PAPPA2: variants seen among roughly 807,000 people sequenced by gnomAD.
PAPPA2 encodes the protein pappalysin-2.
A neutral mutation model predicts 176.4 loss-of-function variants in PAPPA2; 86 were observed. That is an observed-to-expected ratio of 0.49 (90% CI 0.41 to 0.58). The LOEUF is 0.58. PAPPA2 is among the 20% of genes least tolerant of loss of function. The pLI is 0.00. For missense variants in PAPPA2, 2,073 were observed against 2,256.9 expected, an observed-to-expected ratio of 0.92 and a Z score of 1.65; for synonymous variants, 809 against 852.2, an observed-to-expected ratio of 0.95 and a Z score of 0.88.
At chr1:176,491,861 G>T (rs1414316029) in intron 1 of PAPPA2, among the ~76,000 whole-genome samples, 1 of 152,170 alleles carries the variant, frequency 6.6e-6, no homozygotes, top group East Asian at 1.9e-4. Flanking sequence ...AGGAAAATGT[G>T]ATACAGACAT....
intron 1 of PAPPA2, among the ~76,000 whole-genome samples, chr1:176,497,560 T>G (rs1647698162): frequency 6.6e-6 from 1 of 152,190 alleles, no homozygotes; most frequent in Admixed American, 6.5e-5. Context: ...AAGGTGTTTT[T>G]AAAAATAATG....
At chr1:176,638,787 A>C (rs1275830436) in intron 3 of PAPPA2, among the ~76,000 whole-genome samples, 1 of 151,936 alleles carries the variant, frequency 6.6e-6, no homozygotes, top group African/African-American at 2.4e-5. Flanking sequence ...CCTCCAATAA[A>C]TTATATAGAC....
intron 3 of PAPPA2, among the ~76,000 whole-genome samples, chr1:176,623,647 C>CTT (rs1655762150): frequency 7.8e-6 from 1 of 129,000 alleles, no homozygotes; most frequent in African/African-American, 3.1e-5. Flanking sequence ...TTCTTTCTTT[C>CTT]TTTCTTTCTT....
chr1:176,643,224 G>A (rs908113132), intron 3 of PAPPA2, among the ~76,000 whole-genome samples: 13 of 151,714 alleles, frequency 8.6e-5, no homozygotes, highest in Admixed American at 7.9e-4. Flanking sequence ...ATGTGTCCAG[G>A]GTCACATAGC....
chr1:176,642,248 G>A (rs1657140569), intron 3 of PAPPA2, among the ~76,000 whole-genome samples: 1 of 151,658 alleles, frequency 6.6e-6, no homozygotes, highest in Non-Finnish European at 1.5e-5. Flanking sequence ...TAATTGCAAA[G>A]GATAATTTAA....
At chr1:176,777,310 G>A (rs1433959648) in intron 17 of PAPPA2, among the ~76,000 whole-genome samples, 1 of 152,160 alleles carries the variant, frequency 6.6e-6, no homozygotes, top group Non-Finnish European at 1.5e-5. Flanking sequence ...CACTGTTAGA[G>A]TAATACTTGG....
intron 1 of PAPPA2, among the ~76,000 whole-genome samples, chr1:176,521,114 C>CAG (rs61314398): frequency 2.0e-4 from 29 of 148,648 alleles, no homozygotes; most frequent in East Asian, 1.2e-3. Context: ...GAGACAGAGA[C>CAG]AGAGAGAGAG....
intron 17 of PAPPA2, among the ~76,000 whole-genome samples, chr1:176,774,767 G>A (rs1201525372): frequency 7.1e-6 from 1 of 140,612 alleles, no homozygotes; most frequent in Non-Finnish European, 1.5e-5. Flanking sequence ...CTCTATTTAA[G>A]GGGAAAAGTT....
Position 176,539,649 on chromosome 1 carries a change from T to A in PAPPA2, c.-916-15758T>A, listed in dbSNP as rs373929896. ...TTTTTTTTCCTAACAAGCTATAGTA[T>A]GCTTTGGGCATATGAGTAGGAGATT... On this transcript the variant is annotated intron_variant, in intron 1 of 22. Coordinates refer to ENST00000367662, the MANE Select transcript of PAPPA2 (RefSeq NM_020318.3). Among the ~76,000 whole-genome samples the A allele has an allele frequency of 6.6e-5, 10 of 152,266 alleles. No individual in the cohort carries two copies. In the South Asian group the frequency reaches 2.1e-3, roughly 32 times the overall value.
chr1:176,491,292 G>C (rs919937208), intron 1 of PAPPA2, among the ~76,000 whole-genome samples: 3 of 152,222 alleles, frequency 2.0e-5, no homozygotes, highest in Non-Finnish European at 4.4e-5. Flanking sequence ...TGCACTATCT[G>C]TGTGGATTAG....
chr1:176,838,196 G>C (rs919110370), intron 21 of PAPPA2, among the ~76,000 whole-genome samples: 1 of 152,136 alleles, frequency 6.6e-6, no homozygotes, highest in Non-Finnish European at 1.5e-5. Flanking sequence ...TAATGTTCTT[G>C]AGATTAGAAG....
chr1:176,650,622 T>C (rs1341877131), intron 3 of PAPPA2, among the ~76,000 whole-genome samples: 1 of 151,640 alleles, frequency 6.6e-6, no homozygotes, highest in Non-Finnish European at 1.5e-5. Context: ...ACTGTTCTCA[T>C]TGTTCAATTC....
At chr1:176,702,855 T>A in intron 9 of PAPPA2, 120 bp downstream of exon 9, 1 of 1,336,686 alleles carries the variant, frequency 7.5e-7, no homozygotes, top group Non-Finnish European at 1.0e-6. Context: ...TTCAGGAGTT[T>A]GACTTGTTTT....
intron 14 of PAPPA2, among the ~76,000 whole-genome samples, chr1:176,765,081 G>A (rs908746152): frequency 2.6e-5 from 4 of 152,218 alleles, no homozygotes; most frequent in African/African-American, 9.6e-5. Context: ...TGCTCAGTCT[G>A]TGCTAATATT....
At chr1:176,534,692 G>A (rs575592722) in intron 1 of PAPPA2, among the ~76,000 whole-genome samples, 135 of 152,314 alleles carry the variant, frequency 8.9e-4, no homozygotes, top group Non-Finnish European at 1.8e-3. Flanking sequence ...AAGCAATGCG[G>A]TTTATCTCTG....
At chr1:176,821,660 A>G (rs1374219645) in intron 21 of PAPPA2, among the ~76,000 whole-genome samples, 1 of 152,202 alleles carries the variant, frequency 6.6e-6, no homozygotes, top group Non-Finnish European at 1.5e-5. Flanking sequence ...GCTGGGCACA[A>G]AAGGGTGAGT....
intron 21 of PAPPA2, among the ~76,000 whole-genome samples, chr1:176,827,038 A>G (rs1232337762): frequency 6.6e-6 from 1 of 152,178 alleles, no homozygotes; most frequent in Admixed American, 6.5e-5. Context: ...CTTCATCTCC[A>G]CTGGTCTTCT....
intron 14 of PAPPA2, among the ~76,000 whole-genome samples, chr1:176,749,960 A>C (rs1005399278): frequency 3.3e-5 from 5 of 152,186 alleles, no homozygotes; most frequent in African/African-American, 1.2e-4. Context: ...TTTTCTATAG[A>C]CATAAATTTT....
chr1:176,680,858 A>G lies in PAPPA2; in HGVS notation c.2138-9279A>G, dbSNP rs116483925. 5.1e-3 allele frequency among the ~76,000 whole-genome samples: 776 copies of G among 152,306 alleles called. 13 individuals carry two copies. The highest frequency in any genetic ancestry group is 0.017 in the African/African-American group (706 of 41,568). ...CTGTAATGAGAAAAGATTTAACATA[A>G]ATTATATTGCTTTGTTTCTCATTTA... is the stretch of plus-strand genomic sequence containing the variant. On this transcript the variant is annotated intron_variant, in intron 4 of 22. Coordinates refer to ENST00000367662, the MANE Select transcript of PAPPA2 (RefSeq NM_020318.3).
Sources: gnomAD v4.1 joint callset for allele counts (sites outside exome capture counted in the v4.1 genomes callset) on GRCh38, gnomAD v4.1.1 for gene constraint, MANE v1.5 for transcripts, NCBI Gene and HGNC (gene_info 2026-07-23, HGNC 2026-07-21) for gene names.